Variants in IFT80 observed in about 807,000 individuals in gnomAD.
IFT80 encodes intraflagellar transport 80.
IFT80 carries 79 observed loss-of-function variants against 107.9 expected under a neutral mutation model. That is an observed-to-expected ratio of 0.73 (90% CI 0.61 to 0.88). The LOEUF (loss-of-function observed/expected upper bound fraction) is 0.88, where lower values mean the gene tolerates loss of function less well. IFT80 is among the 40% of genes least tolerant of loss of function. The pLI, the probability that IFT80 is intolerant of heterozygous loss-of-function variation, is 0.00. For synonymous variants in IFT80, 299 were observed against 300.9 expected, an observed-to-expected ratio of 0.99 and a Z score of 0.07; for missense variants, 797 against 914.2, an observed-to-expected ratio of 0.87 and a Z score of 1.65.
chr3:160,289,150 C>T (rs1394001712), intron 12 of IFT80, among the ~76,000 whole-genome samples: 1 of 152,160 alleles, frequency 6.6e-6, no homozygotes, highest in Non-Finnish European at 1.5e-5. Flanking sequence ...AGATCATGTT[C>T]TTTGTGGGAA....
intron 5 of IFT80, among the ~76,000 whole-genome samples, chr3:160,370,985 C>G (rs1711502168): frequency 6.6e-6 from 1 of 152,172 alleles, no homozygotes; most frequent in Non-Finnish European, 1.5e-5. Context: ...AAAAGGGAAT[C>G]TGTCTAAAAG....
At chr3:160,380,258 A>T (rs1712370039) in intron 3 of IFT80, among the ~76,000 whole-genome samples, 1 of 151,760 alleles carries the variant, frequency 6.6e-6, no homozygotes, top group Non-Finnish European at 1.5e-5. Context: ...GCTGGTCTCG[A>T]ACTCCTGACC....
At chr3:160,333,867 T>C (rs1719266201) in intron 8 of IFT80, among the ~76,000 whole-genome samples, 1 of 152,202 alleles carries the variant, frequency 6.6e-6, no homozygotes, top group African/African-American at 2.4e-5. Flanking sequence ...ATTATCACTA[T>C]CAAGAATTAT....
chr3:160,325,575 G>A (rs1264690911), intron 8 of IFT80, among the ~76,000 whole-genome samples: 1 of 151,910 alleles, frequency 6.6e-6, no homozygotes, highest in African/African-American at 2.4e-5. Flanking sequence ...CACATCTCAG[G>A]GAATAAGATT....
intron 8 of IFT80, among the ~76,000 whole-genome samples, chr3:160,320,313 C>G (rs1718114025): frequency 6.6e-6 from 1 of 151,926 alleles, no homozygotes; most frequent in South Asian, 2.1e-4. Context: ...AAAAATTTCT[C>G]ATTACAATAT....
At chr3:160,386,968 T>C (rs1380158415) in intron 1 of IFT80, among the ~76,000 whole-genome samples, 2 of 152,016 alleles carry the variant, frequency 1.3e-5, no homozygotes, top group Admixed American at 1.3e-4. Flanking sequence ...AAATAAGCAA[T>C]ATGAACTGAC....
At chr3:160,270,190 G>A (rs528701982) in intron 18 of IFT80, among the ~76,000 whole-genome samples, 11 of 152,150 alleles carry the variant, frequency 7.2e-5, no homozygotes, top group Non-Finnish European at 1.3e-4. Flanking sequence ...TAGTAGAGAC[G>A]TGGTTTCACC....
At chr3:160,359,246 C>G (rs1721319017) in intron 6 of IFT80, among the ~76,000 whole-genome samples, 1 of 151,944 alleles carries the variant, frequency 6.6e-6, no homozygotes, top group Non-Finnish European at 1.5e-5. Context: ...ACTCTACTAC[C>G]TCCTGGCCCA....
intron 8 of IFT80, among the ~76,000 whole-genome samples, chr3:160,341,444 C>A (rs1290552374): frequency 6.6e-6 from 1 of 151,208 alleles, no homozygotes; most frequent in Non-Finnish European, 1.5e-5. Context: ...TAAAGATATC[C>A]AAAAGAAAAC....
intron 16 of IFT80, 77 bp downstream of exon 16, chr3:160,279,116 A>G: frequency 8.4e-7 from 1 of 1,195,094 alleles, no homozygotes. Flanking sequence ...CTTTAAGCCT[A>G]TTATCATTAC....
At chr3:160,378,311 C>T (rs1712194386) in intron 3 of IFT80, among the ~76,000 whole-genome samples, 1 of 151,278 alleles carries the variant, frequency 6.6e-6, no homozygotes, top group Admixed American at 6.6e-5. Flanking sequence ...TCTCTTGACC[C>T]TCCCTTGGCC....
chr3:160,392,148 C>T (rs1488507402), intron 1 of IFT80, among the ~76,000 whole-genome samples: 1 of 152,178 alleles, frequency 6.6e-6, no homozygotes, highest in Non-Finnish European at 1.5e-5. Context: ...GCATTTACTT[C>T]ACTAGCAGTT....
At chr3:160,272,032 A>G (rs1713849051) in intron 18 of IFT80, among the ~76,000 whole-genome samples, 1 of 152,100 alleles carries the variant, frequency 6.6e-6, no homozygotes, top group Non-Finnish European at 1.5e-5. Flanking sequence ...GTTAAAGTAC[A>G]CCACAAAGAT....
chr3:160,278,584 C>T (rs1352553222), intron 16 of IFT80, among the ~76,000 whole-genome samples: 4 of 152,146 alleles, frequency 2.6e-5, no homozygotes, highest in Non-Finnish European at 4.4e-5. Flanking sequence ...CCTTAACCTA[C>T]CCACATGTGT....
chr3:160,352,078 CG>C (rs1438365456), intron 8 of IFT80, among the ~76,000 whole-genome samples: 6 of 150,674 alleles, frequency 4.0e-5, no homozygotes, highest in African/African-American at 1.5e-4. Flanking sequence ...TGCAGTGGTG[CG>C]ATCTTGGCTC....
intron 14 of IFT80, 52 bp from the exon 15 acceptor site, chr3:160,280,866 A>T (rs924439848): frequency 4.0e-6 from 6 of 1,493,934 alleles, no homozygotes; most frequent in Middle Eastern, 1.8e-4. Flanking sequence ...TGTAAGAATT[A>T]AAAATAGATC....
intron 1 of IFT80, among the ~76,000 whole-genome samples, chr3:160,390,107 G>C (rs1338914839): frequency 6.6e-6 from 1 of 152,102 alleles, no homozygotes; most frequent in Non-Finnish European, 1.5e-5. Context: ...GCTTCTACTT[G>C]AGAGATCTAT....
chr3:160,296,507 T>C (rs994360784), intron 12 of IFT80, among the ~76,000 whole-genome samples: 1 of 151,988 alleles, frequency 6.6e-6, no homozygotes, highest in Non-Finnish European at 1.5e-5. Context: ...AATCCCCACT[T>C]TCTCCTGCAC....
At chr3:160,328,416 C>T (rs529818442) in intron 8 of IFT80, among the ~76,000 whole-genome samples, 6 of 135,530 alleles carry the variant, frequency 4.4e-5, no homozygotes, top group Admixed American at 4.0e-4. Flanking sequence ...GAGCAGAGAT[C>T]GTGCCAGTGC....
Sources: allele counts gnomAD v4.1 joint callset (sites outside exome capture counted in the v4.1 genomes callset), GRCh38; gene constraint gnomAD v4.1.1; transcripts MANE v1.5; gene names NCBI Gene and HGNC (gene_info 2026-07-23, HGNC 2026-07-21).